The following ITPR3 variants were observed in gnomAD, a reference collection of about 807,000 sequenced individuals.
The protein encoded by ITPR3 is inositol 1,4,5-trisphosphate-gated calcium channel ITPR3.
In ITPR3, 173 loss-of-function variants were observed where a neutral mutation model predicts 293.2. The ratio of observed to expected loss-of-function variants is 0.59; its 90% CI spans 0.52 to 0.67. The LOEUF (loss-of-function observed/expected upper bound fraction) is 0.67. Among genes scored for constraint, ITPR3 ranks in the 30% least tolerant of loss-of-function variants. ITPR3 has a pLI of 0.00. For missense variants in ITPR3, 2,796 were observed against 3,592.1 expected, an observed-to-expected ratio of 0.78 and a Z score of 5.66; for synonymous variants, 1,295 against 1,444.4, an observed-to-expected ratio of 0.90 and a Z score of 2.35.
At chr6:33,637,240 C>T (rs556460206) in intron 1 of ITPR3, among the ~76,000 whole-genome samples, 5 of 152,224 alleles carry the variant, frequency 3.3e-5, no homozygotes, top group African/African-American at 7.2e-5. Flanking sequence ...GTTGCAAGTC[C>T]GGGCTTCTGG....
At chr6:33,642,906 A>G (rs1763981786) in intron 2 of ITPR3, among the ~76,000 whole-genome samples, 2 of 152,160 alleles carry the variant, frequency 1.3e-5, no homozygotes, top group Non-Finnish European at 2.9e-5. Flanking sequence ...TGGACTCCCT[A>G]TGGCCCTGTT....
rs375939280 is a variant in ITPR3, at chr6:33,672,067, A to G, written c.2767A>G (p.Met923Val). 3.7e-6 allele frequency: 6 copies of G among 1,612,952 alleles called. No homozygotes were observed. Among genetic ancestry groups the G allele is most frequent in the Non-Finnish European group, 4.2e-6 (5 of 1,179,348 alleles). Residue 923 changes from methionine (M) to valine (V), a missense_variant, in exon 22 of 58, where the codon ATG becomes GTG. Met to Val is a conservative substitution (Grantham distance 21). Transcript: ENST00000605930. The surrounding 1 kb of genome is among the most constrained non-coding windows in gnomAD (Gnocchi z 5.0). Reference sequence around the variant, plus strand: ...GCGGTCCATCCAGGGCGTGGGGCACATGATGTCCACCATGGTGCTGAGCCG... The same window carrying G: ...GCGGTCCATCCAGGGCGTGGGGCACGTGATGTCCACCATGGTGCTGAGCCG... ...VRRSIQGVGHMMSTMVLSRKQ... is the reference protein window; with the variant it reads ...VRRSIQGVGHVMSTMVLSRKQ...
At position 33,667,817 on chromosome 6, in the gene ITPR3, T is replaced by C. The variant is rs766117598; in HGVS notation, c.1739T>C (p.Met580Thr). ...GAGCACATTGCCAAGCAGTTTGGGA[T>C]GATGCAGTCCCAGATTGGCTACGAC... ...NQEHIAKQFG[M>T]MQSQIGYDIL... Residue 580 changes from methionine (M) to threonine (T), a missense_variant, in exon 16 of 58, where the codon ATG becomes ACG. This residue lies in a region of ITPR3 where 955 missense variants were observed against 1,180.8 expected (regional missense o/e 0.81). Transcript: ENST00000605930. The surrounding 1 kb of genome is among the most constrained non-coding windows in gnomAD (Gnocchi z 4.4). The C allele has an allele frequency of 6.2e-7, 1 of 1,614,086 alleles. No homozygotes were observed. Among genetic ancestry groups the C allele is most frequent in the East Asian group, 2.2e-5 (1 of 44,868 alleles).
Position 33,672,098 on chromosome 6 carries a change from A to T in ITPR3, c.2798A>T (p.Gln933Leu). ...MMSTMVLSRK[Q>L]SVFSAPSLSA... ...TCCACCATGGTGCTGAGCCGCAAGC[A>T]GTCCGTCTTCAGTGCCCCCAGCCTG... The change falls in exon 22 of 58, where the codon CAG (glutamine) becomes CTG (leucine). Residue 933 changes from glutamine (Q) to leucine (L), a missense_variant. Gln to Leu is a moderately radical substitution (Grantham distance 113). Coordinates refer to ENST00000605930, the MANE Select transcript of ITPR3 (RefSeq NM_002224.4). The surrounding 1 kb of genome is among the most constrained non-coding windows in gnomAD (Gnocchi z 5.0). 1 of 1,613,890 alleles carries T rather than the reference A, an allele frequency of 6.2e-7. No homozygotes were observed. The highest frequency in any genetic ancestry group is 8.5e-7 in the Non-Finnish European group (1 of 1,179,932).
chr6:33,659,554 G>T lies in ITPR3; in HGVS notation c.711+5G>T, dbSNP rs763912172. The T allele has an allele frequency of 6.2e-7, 1 of 1,611,372 alleles. No individual in the cohort carries two copies. Among genetic ancestry groups the T allele is most frequent in the Middle Eastern group, 1.7e-4 (1 of 6,036 alleles). Reference sequence around the variant, plus strand: ...CTGGAGGAGGTGTTGAAAGGGGTAAGGACTGGGAACCCCTGCCCTGCCCAG... The same window carrying T: ...CTGGAGGAGGTGTTGAAAGGGGTAATGACTGGGAACCCCTGCCCTGCCCAG... On this transcript the variant is annotated splice_donor_5th_base_variant and intron_variant, in intron 7 of 57. Transcript: ENST00000605930.
intron 2 of ITPR3, among the ~76,000 whole-genome samples, chr6:33,648,990 C>T (rs1020121537): frequency 6.6e-6 from 1 of 152,172 alleles, no homozygotes; most frequent in African/African-American, 2.4e-5. Flanking sequence ...ACCTCTGCCT[C>T]CCAGGCAGGT....
chr6:33,658,860 G>A lies in ITPR3; in HGVS notation c.528+32G>A. 1 of 1,612,738 alleles carries A rather than the reference G, an allele frequency of 6.2e-7. No individual in the cohort carries two copies. Among genetic ancestry groups the A allele is most frequent in the Non-Finnish European group, 8.5e-7 (1 of 1,179,146 alleles). On this transcript the variant is annotated intron_variant, in intron 5 of 57. Transcript: ENST00000605930. This position sits in a 1 kb window ranked among gnomAD's most constrained non-coding sequence, Gnocchi z 6.1. Reference sequence around the variant, plus strand: ...GCAGGGCCAGGGTTGGAGGGGCCTGGTGGAACTCCCGAGGGGCTTCTGTAG... The same window carrying A: ...GCAGGGCCAGGGTTGGAGGGGCCTGATGGAACTCCCGAGGGGCTTCTGTAG...
At position 33,662,575 on chromosome 6, in the gene ITPR3, G is replaced by A. The variant is rs757118364; in HGVS notation, c.759G>A (p.Thr253=). ...ATGCGGAGCAGGAGAAGTTCCTGAC[G>A]TGTGACGAGTACAAGGGCAAGCTGC... ...LFHAEQEKFL[T]CDEYKGKLQV... is the part of the protein sequence containing the mutation. The change falls in exon 8 of 58, where the codon ACG becomes ACA. Residue 253 remains threonine (T), a synonymous_variant. Transcript: ENST00000605930. 8.1e-6 allele frequency: 13 copies of A among 1,611,200 alleles called. No homozygotes were observed. Among genetic ancestry groups the A allele is most frequent in the African/African-American group, 2.7e-5 (2 of 74,972 alleles).
chr6:33,691,020 T>C lies in ITPR3; in HGVS notation c.7136T>C (p.Leu2379Pro). 1.9e-6 allele frequency: 3 copies of C among 1,614,238 alleles called. No homozygotes were observed. The highest frequency in any genetic ancestry group is 2.5e-6 in the Non-Finnish European group (3 of 1,180,042). ...ILLTALLALILVYLFSIVGFL... is the reference protein window; with the variant it reads ...ILLTALLALIPVYLFSIVGFL... ...CTGACAGCCCTGCTGGCCCTCATCC[T>C]GGTCTACCTCTTCTCCATCGTCGGC... The change falls in exon 52 of 58, where the codon CTG becomes CCG. Residue 2379 changes from leucine (L) to proline (P), a missense_variant. Physicochemically the swap from Leu to Pro is moderately conservative, Grantham distance 98 (BLOSUM62 -3). Transcript: ENST00000605930. This position sits in a 1 kb window ranked among gnomAD's most constrained non-coding sequence, Gnocchi z 4.9.
chr6:33,688,406 G>A lies in ITPR3; in HGVS notation c.6543G>A (p.Glu2181=), dbSNP rs1175116359. 1.3e-6 allele frequency: 2 copies of A among 1,508,934 alleles called. No homozygotes were observed. Among genetic ancestry groups the A allele is most frequent in the Non-Finnish European group, 9.0e-7 (1 of 1,114,754 alleles). The allele number at this position is 1,508,934 out of a possible 1,614,324, so 93.5% of individuals were successfully genotyped here. The change falls in exon 48 of 58, where the codon GAG becomes GAA. Residue 2181 remains glutamate (E), a synonymous_variant. Transcript: ENST00000605930. ...ACCAGTCCTCCTTCCTGCACAACGA[G>A]ATGGAGTGGCAGCGCAAGCTCCGCA... ...FFDQSSFLHN[E]MEWQRKLRSM... is the part of the protein sequence containing the mutation.
chr6:33,671,249 A>T lies in ITPR3; in HGVS notation c.2671A>T (p.Ile891Phe), dbSNP rs758248562. The T allele has an allele frequency of 1.2e-6, 2 of 1,613,584 alleles. No individual in the cohort carries two copies. Among genetic ancestry groups the T allele is most frequent in the East Asian group, 4.5e-5 (2 of 44,882 alleles). The change falls in exon 21 of 58, where the codon ATC becomes TTC. Residue 891 changes from isoleucine to phenylalanine, a missense_variant. Ile to Phe is a conservative substitution (Grantham distance 21). Coordinates refer to ENST00000605930, the MANE Select transcript of ITPR3 (RefSeq NM_002224.4). Reference protein sequence around the residue: ...LLRLTRTLLGIIDCVQGPPAM... With the variant: ...LLRLTRTLLGFIDCVQGPPAM... ...GCGGCTCACTCGCACACTGCTGGGC[A>T]TCATCGACTGTGTGCAGGGGCCCCC...
chr6:33,627,384 G>A (rs1763572241), intron 1 of ITPR3, among the ~76,000 whole-genome samples: 2 of 152,078 alleles, frequency 1.3e-5, no homozygotes, highest in Non-Finnish European at 2.9e-5. Flanking sequence ...CAAACTGCAC[G>A]TATGGCTTTG....
In ITPR3 at chr6:33,683,983, C is replaced by A; in HGVS notation, c.4789-37C>A. ...AATGGCAGTCACACCCGGGTCATTT[C>A]TTGGGCCTGGCAATGACTCTGCCCT... On this transcript the variant is annotated intron_variant, in intron 35 of 57. Transcript: ENST00000605930. The surrounding 1 kb of genome is among the most constrained non-coding windows in gnomAD (Gnocchi z 4.5). The A allele has an allele frequency of 6.4e-7, 1 of 1,559,642 alleles. No homozygotes were observed.
chr6:33,653,701 A>T (rs2127255143), intron 2 of ITPR3, among the ~76,000 whole-genome samples: 1 of 152,340 alleles, frequency 6.6e-6, no homozygotes, highest in Middle Eastern at 3.4e-3. Flanking sequence ...ATCACCCAGG[A>T]TAATCTCTGT....
intron 1 of ITPR3, among the ~76,000 whole-genome samples, chr6:33,628,202 G>A (rs1433348216): frequency 2.0e-5 from 3 of 152,174 alleles, no homozygotes; most frequent in Admixed American, 2.0e-4. Context: ...GTCCCTGCAT[G>A]TCCACCCCCA....
At chr6:33,677,307 AT>A (rs1384882555) in intron 27 of ITPR3, among the ~76,000 whole-genome samples, 196 bp from the exon 28 acceptor site, 3 of 152,096 alleles carry the variant, frequency 2.0e-5, no homozygotes, top group Non-Finnish European at 4.4e-5. Flanking sequence ...TCACAGTCAT[AT>A]TGTTCTATTT....
chr6:33,665,892 T>G lies in ITPR3; in HGVS notation c.1467T>G (p.Asn489Lys). 6.2e-7 allele frequency: 1 copy of G among 1,614,154 alleles called. No homozygotes were observed. The highest frequency in any genetic ancestry group is 8.5e-7 in the Non-Finnish European group (1 of 1,180,026). Residue 489 changes from asparagine (N) to lysine (K), a missense_variant, in exon 14 of 58, where the codon AAT becomes AAG. Physicochemically the swap from Asn to Lys is moderately conservative, Grantham distance 94. This residue lies in a region of ITPR3 where 955 missense variants were observed against 1,180.8 expected (regional missense o/e 0.81). Coordinates refer to ENST00000605930, the MANE Select transcript of ITPR3 (RefSeq NM_002224.4). ...LVFFVSDVPNNGQNVLDIMVT... is the reference protein window; with the variant it reads ...LVFFVSDVPNKGQNVLDIMVT... ...TCTTTGTCAGCGATGTCCCCAACAA[T>G]GGGCAGAATGTCCTGGACATCATGG...
At chr6:33,634,102 C>T (rs777550862) in intron 1 of ITPR3, among the ~76,000 whole-genome samples, 41 of 152,328 alleles carry the variant, frequency 2.7e-4, no homozygotes, top group Middle Eastern at 3.4e-3. Context: ...CTCCCGTCCC[C>T]TCCTGCTCCC....
At chr6:33,653,030 C>G (rs1264483913) in intron 2 of ITPR3, among the ~76,000 whole-genome samples, 5 of 152,056 alleles carry the variant, frequency 3.3e-5, no homozygotes, top group Non-Finnish European at 7.4e-5. Flanking sequence ...GCCTTAGTCC[C>G]CCAAGTAGCT....
Sources: gnomAD v4.1 joint callset for allele counts (sites outside exome capture counted in the v4.1 genomes callset) on GRCh38, gnomAD v4.1.1 for gene constraint, gnomAD v4.1.1 regional missense constraint, Gnocchi (gnomAD v3.1) non-coding constraint, MANE v1.5 for transcripts, NCBI Gene and HGNC (gene_info 2026-07-23, HGNC 2026-07-21) for gene names.